Variants in SMIM18 observed in about 807,000 individuals in gnomAD.
SMIM18 encodes small integral membrane protein 18.
In SMIM18, 4 loss-of-function variants were observed where a neutral mutation model predicts 5.9. That is an observed-to-expected ratio of 0.68 (90% CI 0.33 to 1.56). SMIM18 has a LOEUF of 1.56. Ranked by LOEUF, SMIM18 falls within the 40% of genes most tolerant of loss-of-function variation. SMIM18 has a pLI of 0.06. For synonymous variants in SMIM18, 37 were observed against 37.4 expected (o/e 0.99, Z 0.04); for missense variants, 89 against 109.7 (o/e 0.81, Z 0.84).
intron 1 of SMIM18, among the ~76,000 whole-genome samples, chr8:30,640,728 G>A (rs896517637): frequency 7.9e-5 from 12 of 152,080 alleles, no homozygotes; most frequent in Admixed American, 3.9e-4. Flanking sequence ...GCGGGGGGAC[G>A]GAGTCTCACT....
intron 1 of SMIM18, among the ~76,000 whole-genome samples, chr8:30,643,271 G>A (rs772916810): frequency 2.6e-5 from 4 of 152,144 alleles, no homozygotes; most frequent in Non-Finnish European, 2.9e-5. Context: ...CTAGGTGAAC[G>A]ATGCCTTGAA....
intron 1 of SMIM18, among the ~76,000 whole-genome samples, chr8:30,639,128 G>C (rs1801717523): frequency 6.6e-6 from 1 of 152,118 alleles, no homozygotes; most frequent in South Asian, 2.1e-4. Context: ...TAGAATATGA[G>C]AAAATAGTTC....
At chr8:30,643,270 C>G (rs1299496843) in intron 1 of SMIM18, among the ~76,000 whole-genome samples, 1 of 152,040 alleles carries the variant, frequency 6.6e-6, no homozygotes, top group African/African-American at 2.4e-5. Context: ...TCTAGGTGAA[C>G]GATGCCTTGA....
chr8:30,641,033 A>C (rs1801804449), intron 1 of SMIM18, among the ~76,000 whole-genome samples: 1 of 152,192 alleles, frequency 6.6e-6, no homozygotes, highest in Non-Finnish European at 1.5e-5. Context: ...AATCCATGAA[A>C]GTAAGATTTA....
At chr8:30,640,765 C>T (rs913262957) in intron 1 of SMIM18, among the ~76,000 whole-genome samples, 15 of 152,036 alleles carry the variant, frequency 9.9e-5, no homozygotes, top group Non-Finnish European at 1.3e-4. Flanking sequence ...AGTGCAGTGG[C>T]GCAATCTTGG....
chr8:30,644,028 A>AT (rs1003431789), intron 1 of SMIM18, among the ~76,000 whole-genome samples: 8 of 152,236 alleles, frequency 5.3e-5, no homozygotes, highest in African/African-American at 1.9e-4. Flanking sequence ...GTAGAACTAC[A>AT]TTTTTTCTCT....
At position 30,645,544 on chromosome 8, in the gene SMIM18, C is replaced by A. The variant is rs1159346584; in HGVS notation, c.235C>A (p.Pro79Thr). Residue 79 changes from proline to threonine, a missense_variant, in exon 3 of 3, where the codon CCT becomes ACT. Coordinates refer to ENST00000517349, the MANE Select transcript of SMIM18 (RefSeq NM_001206847.2). ...TVKDLKSEPN[P>T]LRSMMDNIRK... The stretch of plus-strand genomic sequence containing the variant: ...GAAAGACTTGAAAAGTGAACCCAAC[C>A]CTCTTAGAAGTATGATGGACAACAT... 1 of 1,535,514 alleles carries A rather than the reference C, an allele frequency of 6.5e-7. No homozygotes were observed. The highest frequency in any genetic ancestry group is 8.7e-7 in the Non-Finnish European group (1 of 1,146,898).
At position 30,645,613 on chromosome 8, in the gene SMIM18, G is replaced by C. The variant is rs1380865696; in HGVS notation, c.*16G>C. ...AGTGGTCTAACACTCTATAGAAGATGAACAAAATCTCTGAAAGCAGCTCAA... is the reference window on the plus strand; with the variant it reads ...AGTGGTCTAACACTCTATAGAAGATCAACAAAATCTCTGAAAGCAGCTCAA... On this transcript the variant is annotated 3_prime_UTR_variant, in exon 3 of 3. Transcript: ENST00000517349. 1 of 1,515,184 alleles carries C rather than the reference G, an allele frequency of 6.6e-7. No homozygotes were observed. Among genetic ancestry groups the C allele is most frequent in the Non-Finnish European group, 8.8e-7 (1 of 1,136,746 alleles). The allele number at this position is 1,515,184 out of a possible 1,614,324, so 93.9% of individuals were successfully genotyped here. A position where few individuals can be genotyped will look rare whatever the true frequency, so the allele number is the denominator to read the frequency against.
At chr8:30,642,683 A>G (rs565442650) in intron 1 of SMIM18, among the ~76,000 whole-genome samples, 15 of 152,320 alleles carry the variant, frequency 9.8e-5, no homozygotes, top group African/African-American at 3.1e-4. Context: ...CTCTTCCTAT[A>G]TACACTATCC....
chr8:30,640,392 T>C (rs1585996414), intron 1 of SMIM18, among the ~76,000 whole-genome samples: 1 of 151,968 alleles, frequency 6.6e-6, no homozygotes, highest in African/African-American at 2.4e-5. Flanking sequence ...AGTAAACATA[T>C]CAAATGGGAG....
chr8:30,639,028 C>T (rs1429784652), intron 1 of SMIM18, among the ~76,000 whole-genome samples: 3 of 152,056 alleles, frequency 2.0e-5, no homozygotes, highest in Non-Finnish European at 2.9e-5. Flanking sequence ...AGATCAAAAG[C>T]GAATTCCAGA....
At chr8:30,642,949 G>C (rs1801903721) in intron 1 of SMIM18, among the ~76,000 whole-genome samples, 1 of 152,158 alleles carries the variant, frequency 6.6e-6, no homozygotes. Context: ...AAAAGTAGAT[G>C]AGATATCTCT....
At chr8:30,639,295 C>T (rs1459387008) in intron 1 of SMIM18, among the ~76,000 whole-genome samples, 1 of 152,158 alleles carries the variant, frequency 6.6e-6, no homozygotes, top group African/African-American at 2.4e-5. Context: ...ACTTCCTTAA[C>T]ATTTAATTAA....
At chr8:30,644,750 ATT>A (rs5890531) in intron 2 of SMIM18, among the ~76,000 whole-genome samples, 178 bp downstream of exon 2, 52,935 of 141,510 alleles carry the variant, frequency 0.37, 9,661 homozygotes, top group South Asian at 0.55. Flanking sequence ...CGGTATATGA[ATT>A]TTTTTTTTTT....
intron 1 of SMIM18, among the ~76,000 whole-genome samples, chr8:30,639,086 T>C (rs1053366089): frequency 1.3e-5 from 2 of 152,204 alleles, no homozygotes; most frequent in African/African-American, 4.8e-5. Flanking sequence ...TGCTAAAAAA[T>C]AGTTACTTAT....
intron 1 of SMIM18, among the ~76,000 whole-genome samples, chr8:30,640,845 C>T (rs1801793697): frequency 6.6e-6 from 1 of 152,164 alleles, no homozygotes; most frequent in African/African-American, 2.4e-5. Context: ...ACTGGGATTA[C>T]ACACACCCGC....
chr8:30,642,296 CAAAAAAAAA>C (rs33951211), intron 1 of SMIM18, among the ~76,000 whole-genome samples: 1 of 129,908 alleles, frequency 7.7e-6, no homozygotes, highest in Non-Finnish European at 1.6e-5. Flanking sequence ...GGAGAAAAGC[CAAAAAAAAA>C]AAAAAGGAAA....
chr8:30,639,067 G>C (rs771902421), intron 1 of SMIM18, among the ~76,000 whole-genome samples: 1 of 152,160 alleles, frequency 6.6e-6, no homozygotes, highest in Non-Finnish European at 1.5e-5. Flanking sequence ...ATGTGCAAAT[G>C]ATATTGGCTG....
At chr8:30,644,743 T>C (rs1168115143) in intron 2 of SMIM18, among the ~76,000 whole-genome samples, 171 bp downstream of exon 2, 1 of 118,202 alleles carries the variant, frequency 8.5e-6, no homozygotes, top group East Asian at 2.6e-4. Context: ...TTAATTTCGG[T>C]ATATGAATTT....
Sources: allele counts gnomAD v4.1 joint callset (sites outside exome capture counted in the v4.1 genomes callset), GRCh38; gene constraint gnomAD v4.1.1; transcripts MANE v1.5; gene names NCBI Gene and HGNC (gene_info 2026-07-23, HGNC 2026-07-21).